Variants in SH3RF3 observed in about 807,000 individuals in gnomAD.
The protein encoded by SH3RF3 is SH3 domain containing ring finger 3, also known as E3 ubiquitin-protein ligase SH3RF3.
Under a neutral mutation model 66.3 loss-of-function variants are expected in SH3RF3, and 29 were observed. The observed-to-expected ratio is 0.44, with a 90% confidence interval of 0.33 to 0.60. The LOEUF (loss-of-function observed/expected upper bound fraction) is 0.60. Among genes scored for constraint, SH3RF3 ranks in the 20% least tolerant of loss-of-function variants. The probability of loss-of-function intolerance (pLI) is 0.04; values close to 1 mark genes in which losing one functional copy is unlikely to be tolerated. For synonymous variants in SH3RF3, 583 were observed against 532.0 expected, an observed-to-expected ratio of 1.10 and a Z score of -1.32; for missense variants, 1,194 against 1,190.9, an observed-to-expected ratio of 1.00 and a Z score of -0.04.
chr2:109,306,855 G>T (rs1265716774), intron 1 of SH3RF3, among the ~76,000 whole-genome samples: 1 of 152,220 alleles, frequency 6.6e-6, no homozygotes, highest in African/African-American at 2.4e-5. Context: ...TGAGTAAGCT[G>T]CAGGAGAGCC....
chr2:109,453,521 C>A (rs1010774450), intron 8 of SH3RF3, among the ~76,000 whole-genome samples: 3 of 152,168 alleles, frequency 2.0e-5, no homozygotes, highest in African/African-American at 7.2e-5. Flanking sequence ...GGGAGAGTCA[C>A]CCAGAAGAGA....
chr2:109,216,307 C>T (rs1280554282), intron 1 of SH3RF3, among the ~76,000 whole-genome samples: 9 of 152,236 alleles, frequency 5.9e-5, no homozygotes, highest in African/African-American at 2.2e-4. Flanking sequence ...AAGGAAATAG[C>T]ATTCTCAGCT....
At chr2:109,415,474 G>A (rs752262224) in intron 4 of SH3RF3, among the ~76,000 whole-genome samples, 8 of 152,104 alleles carry the variant, frequency 5.3e-5, no homozygotes, top group Admixed American at 2.0e-4. Context: ...TGCTACAGTC[G>A]CGGCTGCTAT....
chr2:109,169,753 T>TACACACAC (rs56897089), intron 1 of SH3RF3, among the ~76,000 whole-genome samples: 1 of 149,688 alleles, frequency 6.7e-6, no homozygotes, highest in African/African-American at 2.5e-5. Context: ...AAAACAACCA[T>TACACACAC]ACACACACAC....
At chr2:109,320,446 G>A (rs990095532) in intron 1 of SH3RF3, among the ~76,000 whole-genome samples, 4 of 152,106 alleles carry the variant, frequency 2.6e-5, no homozygotes, top group Admixed American at 6.5e-5. Flanking sequence ...GCCCATCCTC[G>A]GCAGTGAGCC....
chr2:109,484,149 C>G (rs181344924), intron 8 of SH3RF3, among the ~76,000 whole-genome samples: 1 of 151,650 alleles, frequency 6.6e-6, no homozygotes, highest in Non-Finnish European at 1.5e-5. Flanking sequence ...TCACTGCAAC[C>G]TCTGCCTTCT....
intron 1 of SH3RF3, among the ~76,000 whole-genome samples, chr2:109,134,016 A>G (rs1200973495): frequency 1.3e-5 from 2 of 152,190 alleles, no homozygotes; most frequent in Admixed American, 6.5e-5. Flanking sequence ...GGTATCTGGA[A>G]GCTAGTTACC....
chr2:109,496,558 C>T (rs754241150), intron 9 of SH3RF3, among the ~76,000 whole-genome samples: 5 of 152,238 alleles, frequency 3.3e-5, no homozygotes, highest in South Asian at 4.1e-4. Flanking sequence ...ACCTGCAGCA[C>T]GGCCTGGCCG....
intron 1 of SH3RF3, among the ~76,000 whole-genome samples, chr2:109,265,114 C>T (rs572114702): frequency 2.6e-4 from 39 of 152,072 alleles, no homozygotes; most frequent in African/African-American, 8.4e-4. Flanking sequence ...TGAGGCGTTG[C>T]GAAATAGGAT....
chr2:109,167,385 T>C (rs1157898296), intron 1 of SH3RF3, among the ~76,000 whole-genome samples: 1 of 152,184 alleles, frequency 6.6e-6, no homozygotes, highest in African/African-American at 2.4e-5. Context: ...CTGGACCATA[T>C]TTGATATAAA....
chr2:109,153,985 G>A (rs1336694802), intron 1 of SH3RF3, among the ~76,000 whole-genome samples: 1 of 152,206 alleles, frequency 6.6e-6, no homozygotes, highest in Non-Finnish European at 1.5e-5. Flanking sequence ...AGCCAAATTT[G>A]GGCGGCAGCC....
intron 8 of SH3RF3, among the ~76,000 whole-genome samples, chr2:109,478,020 A>G (rs930064396): frequency 2.0e-5 from 3 of 152,164 alleles, no homozygotes; most frequent in African/African-American, 7.2e-5. Flanking sequence ...ATATTACTGG[A>G]ATGATTAGAA....
intron 1 of SH3RF3, among the ~76,000 whole-genome samples, chr2:109,220,686 C>CTAGA (rs1167514748): frequency 3.9e-5 from 6 of 152,144 alleles, no homozygotes; most frequent in African/African-American, 1.4e-4. Context: ...TCATTTGTTA[C>CTAGA]TAGAGGAATG....
intron 9 of SH3RF3, among the ~76,000 whole-genome samples, chr2:109,492,895 A>C (rs1679166096): frequency 6.6e-6 from 1 of 152,060 alleles, no homozygotes; most frequent in Non-Finnish European, 1.5e-5. Flanking sequence ...CAGCACTGCC[A>C]TGCCAGTCCC....
At chr2:109,175,903 T>C (rs1251216854) in intron 1 of SH3RF3, among the ~76,000 whole-genome samples, 1 of 152,242 alleles carries the variant, frequency 6.6e-6, no homozygotes, top group Non-Finnish European at 1.5e-5. Flanking sequence ...ATTAATTTTT[T>C]TCCAGGGAGT....
chr2:109,408,346 G>A (rs1301059125), intron 4 of SH3RF3, among the ~76,000 whole-genome samples: 2 of 152,282 alleles, frequency 1.3e-5, no homozygotes, highest in East Asian at 1.9e-4. Context: ...GGCCCTGGAC[G>A]GGAGGACTGT....
rs1367079761 is a variant in SH3RF3 at position 109,502,869 on chromosome 2, A to G, written c.*1198A>G. 2 of 152,200 alleles carry G rather than the reference A, an allele frequency of 1.3e-5. No homozygotes were observed. The highest frequency in any genetic ancestry group is 2.9e-5 in the Non-Finnish European group (2 of 68,042). 9.4% of individuals were successfully genotyped at this position (152,200 alleles called of 1,614,324 possible). ...AGTTTCTACAACAGTTTAGATCACC[A>G]CCACCATTTTTCTTCTTTTTTAAAA... On this transcript the variant is annotated 3_prime_UTR_variant, in exon 10 of 10. Coordinates refer to ENST00000309415, the MANE Select transcript of SH3RF3 (RefSeq NM_001099289.3).
At position 109,205,051 on chromosome 2, in the gene SH3RF3, A is replaced by T. The variant is rs150923078; in HGVS notation, c.573+74938A>T. On this transcript the variant is annotated intron_variant, in intron 1 of 9. Coordinates refer to ENST00000309415, the MANE Select transcript of SH3RF3 (RefSeq NM_001099289.3). ...AGTGATACCCTGTCTCTACAAAACTAAAAATATTAACTGGGCATAGAAGTA... is the reference window on the plus strand; with the variant it reads ...AGTGATACCCTGTCTCTACAAAACTTAAAATATTAACTGGGCATAGAAGTA... 6.7e-3 allele frequency among the ~76,000 whole-genome samples: 1,022 copies of T among 152,182 alleles called. 12 individuals are homozygous for T. Among genetic ancestry groups the T allele is most frequent in the African/African-American group, 0.024 (980 of 41,510 alleles).
intron 8 of SH3RF3, among the ~76,000 whole-genome samples, chr2:109,472,801 G>A (rs1372690094): frequency 2.0e-5 from 3 of 152,206 alleles, no homozygotes; most frequent in Admixed American, 6.5e-5. Context: ...CCAGCCAGAC[G>A]CCCGTTGGAA....
Sources: gnomAD v4.1 joint callset for allele counts (sites outside exome capture counted in the v4.1 genomes callset) on GRCh38, gnomAD v4.1.1 for gene constraint, MANE v1.5 for transcripts, NCBI Gene and HGNC (gene_info 2026-07-23, HGNC 2026-07-21) for gene names.